Variants in FAM184A observed in about 807,000 individuals in gnomAD.
The protein encoded by FAM184A is protein FAM184A.
A neutral mutation model predicts 143.8 loss-of-function variants in FAM184A; 99 were observed. That is an observed-to-expected ratio of 0.69 (90% CI 0.58 to 0.81). The LOEUF (loss-of-function observed/expected upper bound fraction) is 0.81. Among genes scored for constraint, FAM184A ranks in the 40% least tolerant of loss-of-function variants. The pLI is 0.00. For missense variants in FAM184A, 1,217 were observed against 1,310.5 expected, an observed-to-expected ratio of 0.93 and a Z score of 1.10; for synonymous variants, 427 against 446.4, an observed-to-expected ratio of 0.96 and a Z score of 0.55.
chr6:119,070,354 G>T lies in FAM184A; in HGVS notation c.159+7787C>A, dbSNP rs183873213. The stretch of plus-strand genomic sequence containing the variant: ...CAGAGATTTTCTAAAATTTTTGCTT[G>T]GTCTTAAAGGTTAAGCATACCAAAA... On this transcript the variant is annotated intron_variant, in intron 1 of 17. Coordinates refer to ENST00000338891, the MANE Select transcript of FAM184A (RefSeq NM_024581.6). Among the ~76,000 whole-genome samples, 501 of 152,160 alleles carry T rather than the reference G, an allele frequency of 3.3e-3. 3 individuals are homozygous for T. Among genetic ancestry groups the T allele is most frequent in the African/African-American group, 0.012 (490 of 41,492 alleles).
intron 5 of FAM184A, among the ~76,000 whole-genome samples, chr6:119,014,786 C>T (rs2797356): frequency 0.49 from 74,167 of 151,946 alleles, 18,891 homozygotes; most frequent in Non-Finnish European, 0.55. Flanking sequence ...CAGCTGAGTG[C>T]GGTAGCTCAC....
intron 7 of FAM184A, chr6:119,005,827 A>G (rs1784900076): frequency 2.4e-6 from 1 of 423,494 alleles, no homozygotes; most frequent in Non-Finnish European, 4.2e-6. Flanking sequence ...GTGCTTCATA[A>G]GAGTGGAAGA....
At chr6:119,039,939 T>C (rs1285751201) in intron 1 of FAM184A, among the ~76,000 whole-genome samples, 2 of 152,198 alleles carry the variant, frequency 1.3e-5, no homozygotes, top group South Asian at 2.1e-4. Context: ...CAGATGGGCA[T>C]GTGTATAACT....
chr6:119,146,206 T>G (rs1010202668), intron 1 of FAM184A, among the ~76,000 whole-genome samples: 6 of 152,056 alleles, frequency 3.9e-5, no homozygotes, highest in African/African-American at 1.2e-4. Flanking sequence ...ATAAATAAAT[T>G]TAAAGGAAAA....
At chr6:119,009,847 C>T in intron 6 of FAM184A, among the ~76,000 whole-genome samples, 1 of 152,118 alleles carries the variant, frequency 6.6e-6, no homozygotes. Context: ...ACCTAATAGG[C>T]ATTCCATATT....
intron 9 of FAM184A, among the ~76,000 whole-genome samples, chr6:118,983,360 G>A (rs746748038): frequency 1.1e-4 from 17 of 152,044 alleles, no homozygotes; most frequent in Non-Finnish European, 2.4e-4. Context: ...ACATATTAAT[G>A]TAAAACTTTA....
At chr6:119,017,048 G>C in intron 4 of FAM184A, 104 bp from the exon 5 acceptor site, 3 of 717,496 alleles carry the variant, frequency 4.2e-6, no homozygotes, top group Non-Finnish European at 6.9e-6. Context: ...TAAACTGAGT[G>C]CTACGGGATC....
At chr6:119,105,104 A>G (rs1159532767) in intron 1 of FAM184A, among the ~76,000 whole-genome samples, 2 of 152,212 alleles carry the variant, frequency 1.3e-5, no homozygotes, top group Non-Finnish European at 2.9e-5. Flanking sequence ...GGGATCCTGG[A>G]ACAGAAAAAG....
intron 9 of FAM184A, among the ~76,000 whole-genome samples, chr6:118,993,206 C>A (rs1390522262): frequency 6.6e-6 from 1 of 152,092 alleles, no homozygotes; most frequent in African/African-American, 2.4e-5. Flanking sequence ...CTTAAGAGAG[C>A]CTTTTCAACT....
chr6:119,083,896 C>T (rs1034549394), intron 1 of FAM184A, among the ~76,000 whole-genome samples: 1 of 152,112 alleles, frequency 6.6e-6, no homozygotes, highest in Non-Finnish European at 1.5e-5. Context: ...CCCCACTATC[C>T]CAGTACCAAT....
intron 1 of FAM184A, among the ~76,000 whole-genome samples, chr6:119,046,398 T>A (rs1219262722): frequency 6.6e-6 from 1 of 152,030 alleles, no homozygotes; most frequent in Non-Finnish European, 1.5e-5. Flanking sequence ...CTAAGGTTTG[T>A]ATTTTTAGTA....
At chr6:119,051,766 G>A (rs1338121042) in intron 1 of FAM184A, among the ~76,000 whole-genome samples, 1 of 152,122 alleles carries the variant, frequency 6.6e-6, no homozygotes, top group Non-Finnish European at 1.5e-5. Context: ...GCTATAATGT[G>A]TTATCTTGTC....
chr6:119,108,035 C>T (rs931050240), intron 1 of FAM184A, among the ~76,000 whole-genome samples: 2 of 151,966 alleles, frequency 1.3e-5, no homozygotes, highest in African/African-American at 4.8e-5. Context: ...CTCCAGAGAG[C>T]AGAATCAGGA....
chr6:118,980,995 A>T (rs562246600), intron 9 of FAM184A, among the ~76,000 whole-genome samples: 37 of 152,350 alleles, frequency 2.4e-4, no homozygotes, highest in African/African-American at 8.7e-4. Context: ...AAGTTATTGA[A>T]AACCTTTAAG....
intron 5 of FAM184A, among the ~76,000 whole-genome samples, chr6:119,015,996 G>C (rs1785236572): frequency 6.6e-6 from 1 of 152,014 alleles, no homozygotes; most frequent in Non-Finnish European, 1.5e-5. Context: ...CTCAAGGTTT[G>C]TAAACACACC....
chr6:119,128,232 C>T (rs946817635), intron 1 of FAM184A, among the ~76,000 whole-genome samples: 4 of 152,204 alleles, frequency 2.6e-5, no homozygotes, highest in African/African-American at 7.2e-5. Context: ...GGAAGAAAAG[C>T]AGGCTTCTTT....
At chr6:119,001,638 A>G (rs1220765533) in intron 9 of FAM184A, among the ~76,000 whole-genome samples, 1 of 152,240 alleles carries the variant, frequency 6.6e-6, no homozygotes, top group African/African-American at 2.4e-5. Flanking sequence ...AGGAATAACA[A>G]ATAAAACAAT....
At chr6:119,136,244 G>A (rs1228939989) in intron 1 of FAM184A, among the ~76,000 whole-genome samples, 1 of 131,494 alleles carries the variant, frequency 7.6e-6, no homozygotes, top group Non-Finnish European at 1.5e-5. Context: ...CGCCACTGCA[G>A]TCCGCAGTCC....
At position 119,024,439 on chromosome 6, in the gene FAM184A, C is replaced by T; in HGVS notation, c.534G>A (p.Gln178=). 1.9e-6 allele frequency: 3 copies of T among 1,614,160 alleles called. No homozygotes were observed. Among genetic ancestry groups the T allele is most frequent in the Non-Finnish European group, 2.5e-6 (3 of 1,180,042 alleles). ...KLRSFGQLQV[Q]FEKDKRLALE... ...ATGCCAATCGTTTGTCTTTTTCAAA[C>T]TGTACTTGAAGTTGTCCAAAGCTCC... Residue 178 remains glutamine, a synonymous_variant, in exon 2 of 18, where the codon CAG becomes CAA. Coordinates refer to ENST00000338891, the MANE Select transcript of FAM184A (RefSeq NM_024581.6).
Sources: gnomAD v4.1 joint callset for allele counts (sites outside exome capture counted in the v4.1 genomes callset) on GRCh38, gnomAD v4.1.1 for gene constraint, MANE v1.5 for transcripts, NCBI Gene and HGNC (gene_info 2026-07-23, HGNC 2026-07-21) for gene names.